TLL2: variants seen among roughly 807,000 people sequenced by gnomAD.
TLL2 encodes tolloid-like protein 2.
In TLL2, 106 loss-of-function variants were observed where a neutral mutation model predicts 123.0. That is an observed-to-expected ratio of 0.86 (90% CI 0.74 to 1.01). The LOEUF is 1.01. Ranked by LOEUF, TLL2 falls within the 50% of genes least tolerant of loss-of-function variation. The pLI is 0.00. For synonymous variants in TLL2, 494 were observed against 516.8 expected, an observed-to-expected ratio of 0.96 and a Z score of 0.60; for missense variants, 1,332 against 1,336.7, an observed-to-expected ratio of 1.00 and a Z score of 0.06.
In TLL2 at chr10:96,368,033, A is replaced by G; in HGVS notation, c.*55T>C. 6.2e-7 allele frequency: 1 copy of G among 1,603,580 alleles called. No individual in the cohort carries two copies. The highest frequency in any genetic ancestry group is 8.5e-7 in the Non-Finnish European group (1 of 1,173,950). On this transcript the variant is annotated 3_prime_UTR_variant, in exon 21 of 21. Transcript: ENST00000357947. ...GATTTTCAAGGTGCTATTGTTGTTA[A>G]AAACAAAACAAAACAAAAAAAATTC...
chr10:96,449,807 C>T (rs1406831242), intron 2 of TLL2, among the ~76,000 whole-genome samples: 2 of 152,206 alleles, frequency 1.3e-5, no homozygotes, highest in African/African-American at 2.4e-5. Context: ...TTATTGCACA[C>T]TTTCCTCAAC....
chr10:96,455,031 T>C (rs1294714476), intron 2 of TLL2, among the ~76,000 whole-genome samples: 1 of 152,108 alleles, frequency 6.6e-6, no homozygotes, highest in Non-Finnish European at 1.5e-5. Flanking sequence ...TTTCCCCATA[T>C]GGTGCTTGCC....
chr10:96,480,525 C>G (rs1347793366), intron 1 of TLL2, 66 bp from the exon 2 acceptor site: 1 of 1,267,512 alleles, frequency 7.9e-7, no homozygotes, highest in Admixed American at 1.7e-5. Context: ...TTCACTAATG[C>G]CCCAAAGGGC....
chr10:96,388,833 T>A (rs1762544802), intron 13 of TLL2, among the ~76,000 whole-genome samples: 1 of 152,238 alleles, frequency 6.6e-6, no homozygotes. Context: ...TCCCATCATT[T>A]CACATAGGGG....
chr10:96,473,193 C>A (rs1847202195), intron 2 of TLL2, among the ~76,000 whole-genome samples: 1 of 152,028 alleles, frequency 6.6e-6, no homozygotes, highest in African/African-American at 2.4e-5. Context: ...GTTGGCTAAT[C>A]CCTGTAATCC....
chr10:96,453,498 C>T (rs567345602), intron 2 of TLL2, among the ~76,000 whole-genome samples: 2 of 152,210 alleles, frequency 1.3e-5, no homozygotes, highest in African/African-American at 4.8e-5. Context: ...AATAATATGA[C>T]TTCTAGATAC....
chr10:96,509,133 A>T (rs2134118124), intron 1 of TLL2, among the ~76,000 whole-genome samples: 1 of 152,320 alleles, frequency 6.6e-6, no homozygotes, highest in East Asian at 1.9e-4. Flanking sequence ...GACAGCCTCA[A>T]CAGCCAGACA....
chr10:96,463,587 C>T (rs1265477242), intron 2 of TLL2, among the ~76,000 whole-genome samples: 1 of 152,172 alleles, frequency 6.6e-6, no homozygotes, highest in Non-Finnish European at 1.5e-5. Flanking sequence ...TCAAGCACCA[C>T]CCAAATGCAA....
At chr10:96,465,380 G>A (rs1847119232) in intron 2 of TLL2, among the ~76,000 whole-genome samples, 1 of 152,212 alleles carries the variant, frequency 6.6e-6, no homozygotes, top group African/African-American at 2.4e-5. Flanking sequence ...TCTGATGCTA[G>A]CACATGTGCA....
intron 2 of TLL2, 139 bp downstream of exon 2, chr10:96,480,210 G>A (rs1847298324): frequency 1.4e-6 from 1 of 694,842 alleles, no homozygotes; most frequent in African/African-American, 1.8e-5. Flanking sequence ...AGAAGGAGAA[G>A]TGACCCCTCT....
intron 1 of TLL2, among the ~76,000 whole-genome samples, chr10:96,488,363 G>A (rs1039160303): frequency 3.3e-5 from 5 of 152,206 alleles, no homozygotes; most frequent in Non-Finnish European, 7.3e-5. Context: ...TGGCCCTTCC[G>A]CAGCACCTGC....
intron 1 of TLL2, among the ~76,000 whole-genome samples, chr10:96,495,573 T>C (rs1255088501): frequency 1.3e-5 from 2 of 152,170 alleles, no homozygotes; most frequent in Non-Finnish European, 2.9e-5. Flanking sequence ...TAATGGGGTC[T>C]ACAGCTCTAT....
At position 96,419,052 on chromosome 10, in the gene TLL2, C is replaced by T. The variant is rs186021011; in HGVS notation, c.923+1904G>A. ...CTTTGGCTATTCCCTGCACCATTTC[C>T]CAAACAGGTGAATCAGCCCACCCCA... On this transcript the variant is annotated intron_variant, in intron 7 of 20. Coordinates refer to ENST00000357947, the MANE Select transcript of TLL2 (RefSeq NM_012465.4). 3.9e-3 allele frequency among the ~76,000 whole-genome samples: 590 copies of T among 152,060 alleles called. 2 individuals carry two copies. Among genetic ancestry groups the T allele is most frequent in the African/African-American group, 0.011 (461 of 41,478 alleles).
chr10:96,425,259 T>TTCTCTCTCTCTCTCTC (rs5787184), intron 5 of TLL2, among the ~76,000 whole-genome samples: 9 of 144,348 alleles, frequency 6.2e-5, no homozygotes, highest in African/African-American at 2.3e-4. Flanking sequence ...CATTACTGTT[T>TTCTCTCTCTCTCTCTC]TCTCTCTCTC....
chr10:96,438,451 AATTTT>A (rs764508574), intron 3 of TLL2, among the ~76,000 whole-genome samples: 6 of 152,254 alleles, frequency 3.9e-5, no homozygotes, highest in Non-Finnish European at 5.9e-5. Flanking sequence ...GCCATTATAG[AATTTT>A]ATATTTCCAA....
chr10:96,414,841 C>T (rs1406703119), intron 7 of TLL2, among the ~76,000 whole-genome samples: 1 of 152,142 alleles, frequency 6.6e-6, no homozygotes, highest in East Asian at 1.9e-4. Context: ...ACTCTCCTAC[C>T]AAACCAGGAG....
intron 7 of TLL2, among the ~76,000 whole-genome samples, chr10:96,414,143 T>C (rs964100252): frequency 6.6e-6 from 1 of 152,198 alleles, no homozygotes; most frequent in Non-Finnish European, 1.5e-5. Flanking sequence ...ACATCCCGCC[T>C]GCTGCCTTGT....
chr10:96,513,523 G>C lies in TLL2; in HGVS notation c.163C>G (p.Pro55Ala), dbSNP rs1402741763. The stretch of plus-strand genomic sequence containing the variant: ...CGGCGGCACCTACCGGCTTTGCAAG[G>C]GTCGTGGTAATGCTCCAGCTGCTGC... ...TEQQLEHYHD[P>A]CKAAVFWGDI... is the part of the protein sequence containing the mutation. The change falls in exon 1 of 21, where the codon CCT becomes GCT. Residue 55 changes from proline (P) to alanine (A), a missense_variant. Pro to Ala is a conservative substitution (Grantham distance 27). Coordinates refer to ENST00000357947, the MANE Select transcript of TLL2 (RefSeq NM_012465.4). 6.2e-7 allele frequency: 1 copy of C among 1,612,502 alleles called. No individual in the cohort carries two copies. The highest frequency in any genetic ancestry group is 8.5e-7 in the Non-Finnish European group (1 of 1,179,732).
chr10:96,432,646 G>T (rs1014197791), intron 4 of TLL2, among the ~76,000 whole-genome samples, 161 bp downstream of exon 4: 3 of 152,130 alleles, frequency 2.0e-5, no homozygotes, highest in African/African-American at 7.2e-5. Context: ...CCCCAGGACT[G>T]GTGGGCCAGG....
Sources: allele counts gnomAD v4.1 joint callset (sites outside exome capture counted in the v4.1 genomes callset), GRCh38; gene constraint gnomAD v4.1.1; transcripts MANE v1.5; gene names NCBI Gene and HGNC (gene_info 2026-07-23, HGNC 2026-07-21).